KLF12: variants seen among roughly 807,000 people sequenced by gnomAD.
KLF12 encodes Krueppel-like factor 12.
KLF12 carries 9 observed loss-of-function variants against 37.8 expected under a neutral mutation model. That is an observed-to-expected ratio of 0.24 (90% CI 0.14 to 0.42). The LOEUF (loss-of-function observed/expected upper bound fraction) is 0.42, where lower values mean the gene tolerates loss of function less well. Among genes scored for constraint, KLF12 ranks in the 10% least tolerant of loss-of-function variants. The pLI is 1.00. For missense variants in KLF12, 411 were observed against 516.0 expected (o/e 0.80, Z 1.97); for synonymous variants, 208 against 202.1 (o/e 1.03, Z -0.25).
chr13:73,980,073 T>C (rs1048515146), intron 2 of KLF12, among the ~76,000 whole-genome samples: 4 of 152,154 alleles, frequency 2.6e-5, no homozygotes, highest in Admixed American at 1.3e-4. Context: ...AAAATAAATT[T>C]CGGTTGTTTA....
chr13:73,941,366 G>A (rs1367075524), intron 3 of KLF12, among the ~76,000 whole-genome samples: 3 of 152,076 alleles, frequency 2.0e-5, no homozygotes, highest in African/African-American at 7.2e-5. Context: ...AGTCCAACCC[G>A]GGCAACATAG....
chr13:73,804,019 G>A (rs1882430765), intron 5 of KLF12, among the ~76,000 whole-genome samples: 1 of 152,042 alleles, frequency 6.6e-6, no homozygotes, highest in African/African-American at 2.4e-5. Flanking sequence ...TGGTGGGTTG[G>A]GTTCATATTG....
chr13:73,959,777 A>T (rs9592955), intron 2 of KLF12, among the ~76,000 whole-genome samples: 1 of 151,912 alleles, frequency 6.6e-6, no homozygotes, highest in Non-Finnish European at 1.5e-5. Context: ...TAAATGCTGT[A>T]TAAAAACAAA....
At chr13:74,010,389 A>C (rs1892521614) in intron 1 of KLF12, among the ~76,000 whole-genome samples, 1 of 152,200 alleles carries the variant, frequency 6.6e-6, no homozygotes, top group African/African-American at 2.4e-5. Context: ...CAGAGTTCAG[A>C]GGCAATAATG....
At chr13:73,798,920 G>A (rs541046671) in intron 5 of KLF12, among the ~76,000 whole-genome samples, 55 of 152,214 alleles carry the variant, frequency 3.6e-4, no homozygotes, top group African/African-American at 1.2e-3. Flanking sequence ...GGTGTATACC[G>A]AAAGGAATAT....
At chr13:74,236,269 T>C in the KLF12 span, among the ~76,000 whole-genome samples, 1 of 107,682 alleles carries the variant, frequency 9.3e-6, no homozygotes, top group Non-Finnish European at 1.8e-5. Context: ...ACAAAGGACA[T>C]GAACTCATCA....
intron 1 of KLF12, among the ~76,000 whole-genome samples, chr13:74,078,571 T>C (rs1383198910): frequency 2.0e-5 from 3 of 152,242 alleles, no homozygotes; most frequent in Admixed American, 1.3e-4. Context: ...ATTTCCATAA[T>C]TGTGTGATGA....
intron 2 of KLF12, among the ~76,000 whole-genome samples, chr13:73,975,666 T>G (rs1891494800): frequency 6.6e-6 from 1 of 152,214 alleles, no homozygotes; most frequent in Non-Finnish European, 1.5e-5. Flanking sequence ...CATTATACTT[T>G]GGGCTCCTCT....
At chr13:74,098,243 G>C (rs1046417120) in intron 1 of KLF12, among the ~76,000 whole-genome samples, 2 of 152,192 alleles carry the variant, frequency 1.3e-5, no homozygotes, top group African/African-American at 4.8e-5. Context: ...ATTGAGGTGA[G>C]AACATTGCAT....
At chr13:74,064,852 G>A (rs74095995) in intron 1 of KLF12, among the ~76,000 whole-genome samples, 16,729 of 152,138 alleles carry the variant, frequency 0.11, 1,397 homozygotes, top group African/African-American at 0.21. Flanking sequence ...AGTCACACAG[G>A]TACTAAGTTA....
chr13:74,225,988 T>G, the KLF12 span, among the ~76,000 whole-genome samples: 3 of 152,078 alleles, frequency 2.0e-5, no homozygotes, highest in Non-Finnish European at 4.4e-5. Context: ...GCTGGAAAGG[T>G]GTACTGTGGG....
chr13:74,062,154 C>T (rs763376274), intron 1 of KLF12, among the ~76,000 whole-genome samples: 1 of 152,152 alleles, frequency 6.6e-6, no homozygotes, highest in Non-Finnish European at 1.5e-5. Flanking sequence ...CCCCTGAGTG[C>T]ACCCATGTTA....
At chr13:73,859,382 C>A (rs1402289619) in intron 3 of KLF12, among the ~76,000 whole-genome samples, 2 of 152,176 alleles carry the variant, frequency 1.3e-5, no homozygotes, top group Non-Finnish European at 2.9e-5. Context: ...GTAATCTAAA[C>A]CTACGGGTAA....
chr13:73,797,764 T>C (rs1318534944), intron 5 of KLF12, among the ~76,000 whole-genome samples: 2 of 115,222 alleles, frequency 1.7e-5, no homozygotes, highest in African/African-American at 7.0e-5. Context: ...AGCAAGATCC[T>C]GTCTCAAAAA....
the KLF12 span, among the ~76,000 whole-genome samples, chr13:74,146,713 G>A: frequency 6.6e-6 from 1 of 152,272 alleles, no homozygotes; most frequent in Admixed American, 6.5e-5. Context: ...TACAATATAT[G>A]TATAAAAATT....
chr13:73,792,852 C>G (rs1256640002), intron 5 of KLF12, among the ~76,000 whole-genome samples: 1 of 152,110 alleles, frequency 6.6e-6, no homozygotes, highest in Non-Finnish European at 1.5e-5. Context: ...AAAATTAGAA[C>G]CAAAATGATT....
intron 3 of KLF12, among the ~76,000 whole-genome samples, chr13:73,907,457 T>G (rs907100344): frequency 1.3e-5 from 2 of 152,212 alleles, no homozygotes; most frequent in Admixed American, 1.3e-4. Flanking sequence ...AGACCCACTT[T>G]CCTTCATGTA....
the KLF12 span, among the ~76,000 whole-genome samples, chr13:74,181,166 T>C: frequency 6.6e-6 from 1 of 151,392 alleles, no homozygotes; most frequent in Admixed American, 6.6e-5. Context: ...GCCTGGCTAA[T>C]TTTTTGTATT....
At chr13:74,098,918 A>C (rs902886550) in intron 1 of KLF12, among the ~76,000 whole-genome samples, 3 of 152,210 alleles carry the variant, frequency 2.0e-5, no homozygotes, top group Non-Finnish European at 4.4e-5. Context: ...TTCCCACGCT[A>C]GTATGTTACA....
Sources: gnomAD v4.1 joint callset for allele counts (sites outside exome capture counted in the v4.1 genomes callset) on GRCh38, gnomAD v4.1.1 for gene constraint, MANE v1.5 for transcripts, NCBI Gene and HGNC (gene_info 2026-07-23, HGNC 2026-07-21) for gene names.